MYO5B: variants seen among roughly 807,000 people sequenced by gnomAD.
MYO5B encodes unconventional myosin-Vb.
In MYO5B, 143 loss-of-function variants were observed where a neutral mutation model predicts 229.3. That is an observed-to-expected ratio of 0.62 (90% CI 0.54 to 0.72). The LOEUF is 0.72. Among genes scored for constraint, MYO5B ranks in the 30% least tolerant of loss-of-function variants. The pLI is 0.00. For synonymous variants in MYO5B, 918 were observed against 885.2 expected (o/e 1.04, Z -0.66); for missense variants, 2,321 against 2,331.0 (o/e 1.00, Z 0.09).
chr18:50,057,588 G>A lies in MYO5B; in HGVS notation c.28-2210C>T, dbSNP rs190003517. ...GTTGCATCCAGCACTGAAGAATCTC[G>A]TTGCCTGGCTTGATCTCAACTTTTA... On this transcript the variant is annotated intron_variant, in intron 1 of 39. Transcript: ENST00000285039. Among the ~76,000 whole-genome samples, 23 of 152,248 alleles carry A rather than the reference G, an allele frequency of 1.5e-4. No individual in the cohort carries two copies. In the East Asian group the frequency reaches 2.3e-3, roughly 15 times the overall value.
intron 1 of MYO5B, among the ~76,000 whole-genome samples, chr18:50,140,929 C>T (rs992901680): frequency 6.6e-6 from 1 of 152,190 alleles, no homozygotes; most frequent in African/African-American, 2.4e-5. Context: ...AAGCATGAAA[C>T]GTGTTACTTT....
At chr18:50,178,971 G>T (rs1388452531) in intron 1 of MYO5B, among the ~76,000 whole-genome samples, 1 of 152,104 alleles carries the variant, frequency 6.6e-6, no homozygotes, top group Admixed American at 6.5e-5. Flanking sequence ...GGGAGTGGAG[G>T]AAGCAACTGG....
chr18:49,939,135 CTTTCT>C (rs1371326893), intron 14 of MYO5B, among the ~76,000 whole-genome samples: 1 of 143,000 alleles, frequency 7.0e-6, no homozygotes. Context: ...CATTAACACT[CTTTCT>C]TTTTTTTCTT....
intron 30 of MYO5B, among the ~76,000 whole-genome samples, chr18:49,854,624 G>A (rs955848691): frequency 6.6e-6 from 1 of 152,140 alleles, no homozygotes; most frequent in African/African-American, 2.4e-5. Flanking sequence ...ATGGTTACAT[G>A]GAAAAAATCC....
At chr18:49,995,948 T>G (rs1031638773) in intron 5 of MYO5B, among the ~76,000 whole-genome samples, 2 of 152,316 alleles carry the variant, frequency 1.3e-5, no homozygotes, top group African/African-American at 4.8e-5. Flanking sequence ...GGAAATAAAG[T>G]GGACAAAGGC....
chr18:49,997,267 TAAAA>T (rs58927375), intron 5 of MYO5B, among the ~76,000 whole-genome samples: 34 of 101,182 alleles, frequency 3.4e-4, no homozygotes, highest in Middle Eastern at 5.7e-3. Flanking sequence ...GTCCTGTCTT[TAAAA>T]AAAAAAAAAA....
intron 4 of MYO5B, among the ~76,000 whole-genome samples, chr18:50,009,605 G>T (rs1462568997): frequency 6.6e-6 from 1 of 152,154 alleles, no homozygotes; most frequent in Non-Finnish European, 1.5e-5. Flanking sequence ...GGGGAGCAGA[G>T]GTAGGTTAAG....
At chr18:49,871,238 A>G (rs4939902) in intron 27 of MYO5B, among the ~76,000 whole-genome samples, 36,558 of 152,168 alleles carry the variant, frequency 0.24, 4,532 homozygotes, top group East Asian at 0.41. Flanking sequence ...CTAATGCAGA[A>G]AGACAGAAAG....
chr18:49,946,104 G>A (rs1158947887), intron 14 of MYO5B, among the ~76,000 whole-genome samples: 1 of 109,408 alleles, frequency 9.1e-6, no homozygotes, highest in Non-Finnish European at 1.8e-5. Flanking sequence ...ATCATTCATA[G>A]TAGCTTTTAC....
At chr18:49,930,816 C>T (rs950750546) in intron 16 of MYO5B, among the ~76,000 whole-genome samples, 13 of 150,756 alleles carry the variant, frequency 8.6e-5, no homozygotes, top group East Asian at 4.0e-4. Flanking sequence ...GGCATGAATC[C>T]GGGAGGCAGA....
At chr18:49,828,053 TA>T (rs1403526143) in intron 39 of MYO5B, among the ~76,000 whole-genome samples, 1 of 152,080 alleles carries the variant, frequency 6.6e-6, no homozygotes, top group Non-Finnish European at 1.5e-5. Flanking sequence ...AACCTATAGA[TA>T]GAAAAAGTTG....
chr18:50,023,136 C>CAAA (rs55848235), intron 4 of MYO5B, among the ~76,000 whole-genome samples: 1 of 144,554 alleles, frequency 6.9e-6, no homozygotes. Context: ...CAATGTCTTA[C>CAAA]AAAAAAAAAA....
chr18:49,965,808 G>C (rs146605466), intron 10 of MYO5B, among the ~76,000 whole-genome samples: 1 of 152,156 alleles, frequency 6.6e-6, no homozygotes, highest in Admixed American at 6.5e-5. Flanking sequence ...AGGTGGAAGG[G>C]CTGTGAATAT....
chr18:50,194,140 G>C (rs967769445), intron 1 of MYO5B, among the ~76,000 whole-genome samples: 11 of 152,300 alleles, frequency 7.2e-5, no homozygotes, highest in African/African-American at 2.6e-4. Flanking sequence ...GGGGTCTCCG[G>C]AGATAACGGC....
At position 49,969,424 on chromosome 18, in the gene MYO5B, T is replaced by G. The variant is rs140595609; in HGVS notation, c.1322+4926A>C. On this transcript the variant is annotated intron_variant, in intron 10 of 39. Transcript: ENST00000285039. ...ATCATTGTAGTCAACCTACAGAACG[T>G]GAGGAAATATTTGCAAATCATATTT... 5.4e-3 allele frequency among the ~76,000 whole-genome samples: 817 copies of G among 152,284 alleles called. 7 individuals carry two copies. The highest frequency in any genetic ancestry group is 0.018 in the African/African-American group (745 of 41,562).
At position 50,171,013 on chromosome 18, in the gene MYO5B, T is replaced by C. The variant is rs147266008; in HGVS notation, c.27+23754A>G. Among the ~76,000 whole-genome samples, 216 of 127,234 alleles carry C rather than the reference T, an allele frequency of 1.7e-3. 48 individuals carry two copies. Among genetic ancestry groups the C allele is most frequent in the African/African-American group, 6.2e-3 (207 of 33,538 alleles). The allele number at this position is 127,234 out of a possible 152,430, so 83.5% of individuals were successfully genotyped here. A position where few individuals can be genotyped will look rare whatever the true frequency, so the allele number is the denominator to read the frequency against. ...ACACCTGCCTCCCTGAGGCTCTCTC[T>C]CCTTGCAGCTAGCATCCCCTCAGCT... On this transcript the variant is annotated intron_variant, in intron 1 of 39. Transcript: ENST00000285039.
intron 8 of MYO5B, among the ~76,000 whole-genome samples, chr18:49,983,022 T>C (rs891436320): frequency 6.6e-6 from 1 of 152,168 alleles, no homozygotes; most frequent in Admixed American, 6.5e-5. Flanking sequence ...CAGAGAAGAA[T>C]GTATCCTGCA....
At chr18:49,898,978 T>G (rs912227710) in intron 21 of MYO5B, among the ~76,000 whole-genome samples, 12 of 152,196 alleles carry the variant, frequency 7.9e-5, no homozygotes, top group African/African-American at 2.9e-4. Flanking sequence ...AGTGAATTTT[T>G]GAGCTAGATG....
chr18:50,109,306 CG>C (rs2031820615), intron 1 of MYO5B, among the ~76,000 whole-genome samples: 1 of 152,124 alleles, frequency 6.6e-6, no homozygotes, highest in African/African-American at 2.4e-5. Flanking sequence ...GCACCCAAGC[CG>C]GGAGACAAGA....
Sources: allele counts gnomAD v4.1 joint callset (sites outside exome capture counted in the v4.1 genomes callset), GRCh38; gene constraint gnomAD v4.1.1; transcripts MANE v1.5; gene names NCBI Gene and HGNC (gene_info 2026-07-23, HGNC 2026-07-21).